The following HCN4 variants were observed in gnomAD, a reference collection of about 807,000 sequenced individuals.
The protein encoded by HCN4 is hyperpolarization activated cyclic nucleotide gated potassium channel 4.
HCN4 carries 29 observed loss-of-function variants against 76.9 expected under a neutral mutation model. The observed-to-expected ratio is 0.38, with a 90% CI of 0.28 to 0.51. The LOEUF is 0.51. Among genes scored for constraint, HCN4 ranks in the 20% least tolerant of loss-of-function variants. The pLI is 0.90. For synonymous variants in HCN4, 772 were observed against 762.5 expected, an observed-to-expected ratio of 1.01 and a Z score of -0.21; for missense variants, 1,416 against 1,715.2, an observed-to-expected ratio of 0.83 and a Z score of 3.08.
rs989633439 is a variant in HCN4 at position 73,325,795 on chromosome 15, C to G, written c.1591-351G>C. ...GATCACATTTCCTTGGAATGTTACA[C>G]TGGGGACAGGGAGGCCTCACCGACT... is the stretch of plus-strand genomic sequence containing the variant. On this transcript the variant is annotated intron_variant, in intron 4 of 7. Transcript: ENST00000261917. The surrounding 1 kb of genome is among the most constrained non-coding windows in gnomAD (Gnocchi z 7.4). 6.6e-6 allele frequency among the ~76,000 whole-genome samples: 1 copy of G among 152,180 alleles called. No homozygotes were observed.
chr15:73,344,418 T>C (rs1236392419), intron 1 of HCN4, among the ~76,000 whole-genome samples: 1 of 152,202 alleles, frequency 6.6e-6, no homozygotes, highest in African/African-American at 2.4e-5. Flanking sequence ...AGTCCTATCA[T>C]TCTGATCTGG....
At position 73,343,246 on chromosome 15, in the gene HCN4, C is replaced by T. The variant is rs535869738; in HGVS notation, c.1209+139G>A. 57 of 767,792 alleles carry T rather than the reference C, an allele frequency of 7.4e-5. No individual in the cohort carries two copies. The African/African-American group carries it at 9.5e-4, about 13-fold the overall frequency. The allele number at this position is 767,792 out of a possible 1,614,324, so 47.6% of individuals were successfully genotyped here. A position where few individuals can be genotyped will look rare whatever the true frequency, so the allele number is the denominator to read the frequency against. ...CACATGATAAGAGGTCAAGAACTTACTAGTATTTGTCCTCTTGGAGCAGGT... is the reference window on the plus strand; with the variant it reads ...CACATGATAAGAGGTCAAGAACTTATTAGTATTTGTCCTCTTGGAGCAGGT... On this transcript the variant is annotated intron_variant, in intron 2 of 7. Transcript: ENST00000261917. The surrounding 1 kb of genome is among the most constrained non-coding windows in gnomAD (Gnocchi z 5.7).
In HCN4 at chr15:73,323,423, G is replaced by T. The variant is rs1447571299; in HGVS notation, c.2670C>A (p.Pro890=). Residue 890 remains proline, a synonymous_variant, in exon 8 of 8, where the codon CCC becomes CCA. Transcript: ENST00000261917. ...CGCCAGCTGATGGTGTGGGAGCCGA[G>T]GGGGAGCCACAGGCCCCGGGGGGTG... ...SSPPPGACGS[P]SAPTPSAGVA... 3.1e-6 allele frequency: 5 copies of T among 1,607,574 alleles called. No individual in the cohort carries two copies. Among genetic ancestry groups the T allele is most frequent in the Middle Eastern group, 1.7e-4 (1 of 6,002 alleles).
chr15:73,326,027 G>A (rs1595821375), intron 4 of HCN4, among the ~76,000 whole-genome samples: 3 of 152,244 alleles, frequency 2.0e-5, no homozygotes, highest in South Asian at 2.1e-4. Context: ...ACTAATTTGA[G>A]GGGACCTTCA....
intron 1 of HCN4, among the ~76,000 whole-genome samples, chr15:73,360,585 A>G (rs1778319476): frequency 6.6e-6 from 1 of 152,186 alleles, no homozygotes; most frequent in Admixed American, 6.5e-5. Context: ...AGGAATGTCA[A>G]ATTCCAGTTC....
At chr15:73,346,828 C>T (rs1037347085) in intron 1 of HCN4, among the ~76,000 whole-genome samples, 1 of 152,184 alleles carries the variant, frequency 6.6e-6, no homozygotes, top group Admixed American at 6.5e-5. Flanking sequence ...GGCTTCTGGA[C>T]TACCTTTCCT....
intron 1 of HCN4, among the ~76,000 whole-genome samples, chr15:73,350,702 C>T (rs546109039): frequency 5.9e-5 from 9 of 152,228 alleles, no homozygotes; most frequent in East Asian, 3.9e-4. Context: ...GGGGAATCAG[C>T]GGCTCTTCTA....
chr15:73,324,262 G>T lies in HCN4; in HGVS notation c.1979-9C>A. On this transcript the variant is annotated splice_polypyrimidine_tract_variant and intron_variant, in intron 6 of 7. Transcript: ENST00000261917. ...GGTCAGCAGGCAGATCTCTGCCAGA[G>T]CATCAGGACTCAGGATGAGGCATGC... The T allele has an allele frequency of 6.2e-7, 1 of 1,613,618 alleles. No individual in the cohort carries two copies. Among genetic ancestry groups the T allele is most frequent in the South Asian group, 1.1e-5 (1 of 91,044 alleles).
intron 2 of HCN4, among the ~76,000 whole-genome samples, chr15:73,338,911 G>A (rs1049384660): frequency 7.9e-5 from 12 of 152,158 alleles, no homozygotes; most frequent in Admixed American, 1.3e-4. Context: ...CAGTACCCAC[G>A]CCCCAGGACC....
At chr15:73,363,589 G>C (rs1366941123) in intron 1 of HCN4, among the ~76,000 whole-genome samples, 2 of 152,170 alleles carry the variant, frequency 1.3e-5, no homozygotes, top group African/African-American at 4.8e-5. Context: ...CAGAAATTAA[G>C]TGCCACACTC....
rs538016894 is a variant in HCN4, at chr15:73,328,253, TGAG to T, written c.1590+1317_1590+1319del. 2.0e-5 allele frequency among the ~76,000 whole-genome samples: 3 copies of T among 151,414 alleles called. No individual in the cohort carries two copies. In the South Asian group the frequency reaches 6.3e-4, roughly 32 times the overall value. On this transcript the variant is annotated intron_variant, in intron 4 of 7. Transcript: ENST00000261917. This position sits in a 1 kb window ranked among gnomAD's most constrained non-coding sequence, Gnocchi z 4.0. ...CAGGTGGACACCTGGGGAGGAGAGT[TGAG>T]GGTGAAAGCCCGTGTCTGGGTCCCA...
chr15:73,351,761 C>G (rs914794326), intron 1 of HCN4, among the ~76,000 whole-genome samples: 1 of 152,180 alleles, frequency 6.6e-6, no homozygotes, highest in Non-Finnish European at 1.5e-5. Context: ...AAGTGAAATC[C>G]AAATTCCTCA....
intron 1 of HCN4, among the ~76,000 whole-genome samples, chr15:73,360,676 G>A (rs1004572090): frequency 2.0e-5 from 3 of 152,106 alleles, no homozygotes; most frequent in African/African-American, 7.2e-5. Context: ...CTGTAAGTTG[G>A]GGATATAAAA....
chr15:73,345,296 G>A (rs533300032), intron 1 of HCN4, among the ~76,000 whole-genome samples: 7 of 152,302 alleles, frequency 4.6e-5, no homozygotes, highest in African/African-American at 1.7e-4. Context: ...GTGTGGCAAA[G>A]GGCAGTTTCC....
Position 73,325,228 on chromosome 15 carries a change from G to A in HCN4, c.1738-33C>T. The A allele has an allele frequency of 6.2e-7, 1 of 1,614,144 alleles. No homozygotes were observed. The highest frequency in any genetic ancestry group is 8.5e-7 in the Non-Finnish European group (1 of 1,179,988). On this transcript the variant is annotated intron_variant, in intron 5 of 7. Transcript: ENST00000261917. The surrounding 1 kb of genome is among the most constrained non-coding windows in gnomAD (Gnocchi z 7.4). ...ACAGGGTGGATTGGGACACGGGAAG[G>A]AGGTGGTGAGGGGAGCTGGCTGCCA...
chr15:73,346,236 G>T (rs1468545282), intron 1 of HCN4, among the ~76,000 whole-genome samples: 1 of 152,052 alleles, frequency 6.6e-6, no homozygotes, highest in African/African-American at 2.4e-5. Context: ...CTGAAGTCAG[G>T]GTTCGATTCC....
At chr15:73,354,692 GAAGAC>G (rs1180142338) in intron 1 of HCN4, among the ~76,000 whole-genome samples, 3 of 152,152 alleles carry the variant, frequency 2.0e-5, no homozygotes, top group Admixed American at 6.5e-5. Context: ...AGGAGTCTAG[GAAGAC>G]CAAATGAGAT....
At chr15:73,337,387 T>C (rs1348231748) in intron 2 of HCN4, among the ~76,000 whole-genome samples, 1 of 152,076 alleles carries the variant, frequency 6.6e-6, no homozygotes, top group Non-Finnish European at 1.5e-5. Context: ...TACATCTAAA[T>C]GAATGAGTGG....
At position 73,343,130 on chromosome 15, in the gene HCN4, T is replaced by C. The variant is rs901342977; in HGVS notation, c.1209+255A>G. The stretch of plus-strand genomic sequence containing the variant: ...TCACTTAATATTTCTGTCTGTTTCT[T>C]CAGGTGAAAAATGAGTATATACATG... On this transcript the variant is annotated intron_variant, in intron 2 of 7. Transcript: ENST00000261917. The surrounding 1 kb of genome is among the most constrained non-coding windows in gnomAD (Gnocchi z 5.7). Among the ~76,000 whole-genome samples the C allele has an allele frequency of 6.6e-6, 1 of 152,256 alleles. No homozygotes were observed. The highest frequency in any genetic ancestry group is 1.5e-5 in the Non-Finnish European group (1 of 68,042).
Sources: allele counts gnomAD v4.1 joint callset (sites outside exome capture counted in the v4.1 genomes callset), GRCh38; gene constraint gnomAD v4.1.1; non-coding constraint Gnocchi (gnomAD v3.1); transcripts MANE v1.5; gene names NCBI Gene and HGNC (gene_info 2026-07-23, HGNC 2026-07-21).